Variants in TNFAIP8 observed in about 807,000 individuals in gnomAD.
TNFAIP8 encodes the protein TNF alpha induced protein 8.
A neutral mutation model predicts 13.3 loss-of-function variants in TNFAIP8; 7 were observed. The ratio of observed to expected loss-of-function variants is 0.52; its 90% confidence interval spans 0.30 to 0.99. The LOEUF is 0.99. Ranked by LOEUF, TNFAIP8 falls within the 50% of genes least tolerant of loss-of-function variation. TNFAIP8 has a pLI of 0.07. For missense variants in TNFAIP8, 258 were observed against 236.9 expected (o/e 1.09, Z -0.58); for synonymous variants, 94 against 87.6 (o/e 1.07, Z -0.41).
rs201661949 is a variant in TNFAIP8 at position 119,342,514 on chromosome 5, G to GT, written c.2-50293dup. 2.9e-3 allele frequency among the ~76,000 whole-genome samples: 432 copies of GT among 151,520 alleles called. 5 individuals carry two copies. The Middle Eastern group carries it at 0.054, about 19-fold the overall frequency. ...CTTAAAGCTGTGCTAAATTTGCAGG[G>GT]TTTTTTTTTGATAATGCTTTCTCCT... is the stretch of plus-strand genomic sequence containing the variant. On this transcript the variant is annotated intron_variant, in intron 1 of 1. Coordinates refer to the TNFAIP8 transcript ENST00000274456.
intron 1 of TNFAIP8, chr5:119,333,341 G>A (rs1229993923): frequency 7.8e-7 from 1 of 1,281,048 alleles, no homozygotes; most frequent in East Asian, 3.1e-5. Flanking sequence ...CACTACAAGT[G>A]ACGAAACCTA....
chr5:119,290,558 A>T (rs1271169523), intron 1 of TNFAIP8, among the ~76,000 whole-genome samples: 1 of 152,192 alleles, frequency 6.6e-6, no homozygotes, highest in Non-Finnish European at 1.5e-5. Flanking sequence ...CCTATGATCA[A>T]GCTTTGCTTG....
intron 1 of TNFAIP8, among the ~76,000 whole-genome samples, chr5:119,370,380 C>A (rs1054252283): frequency 5.9e-5 from 9 of 152,060 alleles, no homozygotes; most frequent in African/African-American, 2.2e-4. Context: ...GCTTTCAAAC[C>A]CTAATTCATG....
intron 1 of TNFAIP8, among the ~76,000 whole-genome samples, chr5:119,322,395 T>A (rs548273173): frequency 1.3e-5 from 2 of 152,248 alleles, no homozygotes; most frequent in Non-Finnish European, 2.9e-5. Context: ...CAGACCATGC[T>A]GGCTATGGCC....
At chr5:119,321,314 G>GT (rs112508072) in intron 1 of TNFAIP8, among the ~76,000 whole-genome samples, 2 of 152,052 alleles carry the variant, frequency 1.3e-5, no homozygotes, top group East Asian at 1.9e-4. Flanking sequence ...GTTTGAATTG[G>GT]TTTTTTTTGT....
chr5:119,369,709 C>G (rs1752004314), intron 1 of TNFAIP8, among the ~76,000 whole-genome samples: 1 of 152,192 alleles, frequency 6.6e-6, no homozygotes, highest in African/African-American at 2.4e-5. Flanking sequence ...CACAGTCTGT[C>G]AAAACCACAC....
intron 1 of TNFAIP8, among the ~76,000 whole-genome samples, chr5:119,304,647 G>C (rs1749498184): frequency 1.3e-5 from 2 of 152,206 alleles, no homozygotes. Context: ...GATTGCATGA[G>C]CTCACTTCTA....
intron 1 of TNFAIP8, among the ~76,000 whole-genome samples, chr5:119,360,221 T>C (rs1751581165): frequency 6.6e-6 from 1 of 152,118 alleles, no homozygotes; most frequent in Admixed American, 6.5e-5. Flanking sequence ...AGCCAAAAAG[T>C]GGGTGGGTGA....
At chr5:119,283,989 A>G (rs2150806306) in intron 1 of TNFAIP8, among the ~76,000 whole-genome samples, 1 of 152,282 alleles carries the variant, frequency 6.6e-6, no homozygotes, top group South Asian at 2.1e-4. Flanking sequence ...TGGTTAGCCC[A>G]TGTATGTGCC....
chr5:119,391,505 A>G (rs1484974549), intron 1 of TNFAIP8: 2 of 685,486 alleles, frequency 2.9e-6, no homozygotes, highest in Non-Finnish European at 5.3e-6. Context: ...CATGCCTGTA[A>G]TCCCAGCACT....
intron 1 of TNFAIP8, among the ~76,000 whole-genome samples, chr5:119,379,790 T>C (rs894107591): frequency 1.1e-4 from 17 of 151,964 alleles, no homozygotes; most frequent in African/African-American, 3.9e-4. Flanking sequence ...ATGGGGTCTC[T>C]CCATGTTGGC....
chr5:119,269,332 G>C (rs1748202925), intron 1 of TNFAIP8, among the ~76,000 whole-genome samples: 1 of 152,224 alleles, frequency 6.6e-6, no homozygotes, highest in African/African-American at 2.4e-5. Flanking sequence ...TGCAGACTGA[G>C]ATGCTGGCCT....
chr5:119,385,320 C>G lies in TNFAIP8; in HGVS notation c.32-7496C>G, dbSNP rs966868857. Among the ~76,000 whole-genome samples, 4 of 152,304 alleles carry G rather than the reference C, an allele frequency of 2.6e-5. No homozygotes were observed. The East Asian group carries it at 7.7e-4, about 29-fold the overall frequency. On this transcript the variant is annotated intron_variant, in intron 1 of 1. Coordinates refer to ENST00000504771, the MANE Select transcript of TNFAIP8 (RefSeq NM_014350.4). ...GCCCTGCTGTTGGATCTCTGGTTCT[C>G]TGGGAGGCTTCAGAAACTGCATGAG...
At chr5:119,276,442 T>C (rs1748448465) in intron 1 of TNFAIP8, among the ~76,000 whole-genome samples, 2 of 152,170 alleles carry the variant, frequency 1.3e-5, no homozygotes, top group African/African-American at 4.8e-5. Flanking sequence ...TTTTTATGGT[T>C]GCCTTTAGTG....
At chr5:119,319,133 G>A (rs186253370) in intron 1 of TNFAIP8, among the ~76,000 whole-genome samples, 1 of 152,278 alleles carries the variant, frequency 6.6e-6, no homozygotes, top group Non-Finnish European at 1.5e-5. Flanking sequence ...TCTTGGCCAG[G>A]TGTGGTGGCT....
Position 119,395,467 on chromosome 5 carries a change from G to C in TNFAIP8, c.*2086G>C, listed in dbSNP as rs912273284. 1.3e-5 allele frequency: 2 copies of C among 152,230 alleles called. No individual in the cohort carries two copies. Among genetic ancestry groups the C allele is most frequent in the African/African-American group, 4.8e-5 (2 of 41,434 alleles). 9.4% of individuals were successfully genotyped at this position (152,230 alleles called of 1,614,324 possible). On this transcript the variant is annotated 3_prime_UTR_variant, in exon 2 of 2. Transcript: ENST00000504771. ...ACAGGACCAACCAGAGAGAGAAAACGTACGGAGGGAGAAATCTGGATCTCT... is the reference window on the plus strand; with the variant it reads ...ACAGGACCAACCAGAGAGAGAAAACCTACGGAGGGAGAAATCTGGATCTCT...
chr5:119,292,031 C>G (rs6877317), intron 1 of TNFAIP8, among the ~76,000 whole-genome samples: 1 of 152,066 alleles, frequency 6.6e-6, no homozygotes, highest in South Asian at 2.1e-4. Flanking sequence ...CAGGGCTCAC[C>G]GGGAGAGGAC....
intron 1 of TNFAIP8, among the ~76,000 whole-genome samples, chr5:119,379,137 A>C (rs1401313701): frequency 1.3e-5 from 2 of 152,230 alleles, no homozygotes; most frequent in African/African-American, 2.4e-5. Context: ...GTACAGATAA[A>C]TTCATTTATT....
rs1239934929 is a variant in TNFAIP8, at chr5:119,393,739, C to T, written c.*358C>T. The stretch of plus-strand genomic sequence containing the variant: ...TTGGATATTTCTAACATGTACAAAG[C>T]TATGTATTTTGATTTACTTTCATTT... On this transcript the variant is annotated 3_prime_UTR_variant, in exon 2 of 2. Coordinates refer to ENST00000504771, the MANE Select transcript of TNFAIP8 (RefSeq NM_014350.4). 2 of 194,504 alleles carry T rather than the reference C, an allele frequency of 1.0e-5. No homozygotes were observed. Among genetic ancestry groups the T allele is most frequent in the East Asian group, 2.4e-4 (2 of 8,412 alleles). 12.0% of individuals were successfully genotyped at this position (194,504 alleles called of 1,614,324 possible). A position where few individuals can be genotyped will look rare whatever the true frequency, so the allele number is the denominator to read the frequency against.
Sources: allele counts gnomAD v4.1 joint callset (sites outside exome capture counted in the v4.1 genomes callset), GRCh38; gene constraint gnomAD v4.1.1; transcripts MANE v1.5; gene names NCBI Gene and HGNC (gene_info 2026-07-23, HGNC 2026-07-21).